The following C10orf90 variants were observed in gnomAD, a reference collection of about 807,000 sequenced individuals.
C10orf90 encodes the protein (E2-independent) E3 ubiquitin-conjugating enzyme FATS.
Under a neutral mutation model 62.5 loss-of-function variants are expected in C10orf90, and 56 were observed. The observed-to-expected ratio is 0.90, with a 90% confidence interval of 0.72 to 1.12. The LOEUF (loss-of-function observed/expected upper bound fraction) is 1.12, where lower values mean the gene tolerates loss of function less well. Among genes scored for constraint, C10orf90 ranks in the 50% most tolerant of loss-of-function variants. The pLI is 0.00. For synonymous variants in C10orf90, 386 were observed against 340.4 expected, an observed-to-expected ratio of 1.13 and a Z score of -1.47; for missense variants, 970 against 880.4, an observed-to-expected ratio of 1.10 and a Z score of -1.29.
intron 2 of C10orf90, among the ~76,000 whole-genome samples, chr10:126,564,645 T>A (rs1213009879): frequency 6.7e-6 from 1 of 148,454 alleles, no homozygotes; most frequent in East Asian, 2.0e-4. Flanking sequence ...TGGCCAGCCT[T>A]GCTCCACAGC....
rs762072257 is a variant in C10orf90 at position 126,465,007 on chromosome 10, G to A, written c.1535-21C>T. 21 of 1,590,296 alleles carry A rather than the reference G, an allele frequency of 1.3e-5. No homozygotes were observed. The South Asian group carries it at 2.2e-4, about 17-fold the overall frequency. On this transcript the variant is annotated intron_variant, in intron 4 of 9. Coordinates refer to ENST00000488181, the MANE Select transcript of C10orf90 (RefSeq NM_001350921.2). ...GTGTACTAAAAATAAAACGAGAGTT[G>A]TGCTCAAAATCTCTTATGAATCCAA...
At chr10:126,429,396 A>G (rs531144068) in intron 8 of C10orf90, among the ~76,000 whole-genome samples, 1 of 152,298 alleles carries the variant, frequency 6.6e-6, no homozygotes, top group South Asian at 2.1e-4. Context: ...TCCCTGCCAC[A>G]GTCCAGACCC....
At chr10:126,524,395 ACT>A (rs2133946369) in intron 2 of C10orf90, 1 of 153,062 alleles carries the variant, frequency 6.5e-6, no homozygotes, top group African/African-American at 2.4e-5. Context: ...AAGAGGAGGC[ACT>A]CTCCTCTCAG....
chr10:126,489,986 TA>T, intron 4 of C10orf90, among the ~76,000 whole-genome samples: 1 of 111,112 alleles, frequency 9.0e-6, no homozygotes, highest in South Asian at 2.6e-4. Flanking sequence ...ATAATATATA[TA>T]TAATATATAT....
chr10:126,564,593 C>T (rs983080593), intron 2 of C10orf90, among the ~76,000 whole-genome samples: 2 of 150,330 alleles, frequency 1.3e-5, no homozygotes, highest in African/African-American at 4.9e-5. Context: ...GGAGAAGTTC[C>T]CAGATTGAAA....
At chr10:126,564,092 C>T (rs1844242670) in intron 2 of C10orf90, among the ~76,000 whole-genome samples, 1 of 152,096 alleles carries the variant, frequency 6.6e-6, no homozygotes, top group South Asian at 2.1e-4. Context: ...CAAATGGCTC[C>T]CACTCGCTAT....
Position 126,439,198 on chromosome 10 carries a change from G to A in C10orf90, c.2189-9348C>T, listed in dbSNP as rs75926222. 4.0e-3 allele frequency among the ~76,000 whole-genome samples: 605 copies of A among 152,218 alleles called. 24 individuals are homozygous for A. Among genetic ancestry groups the A allele is most frequent in the East Asian group, 9.1e-3 (47 of 5,172 alleles). On this transcript the variant is annotated intron_variant, in intron 7 of 9. Transcript: ENST00000488181. ...ATCCACAGCCTTGGCCACTGAGGAC[G>A]TCTGCAATATTGGCAATTGTCAACC...
chr10:126,566,447 T>C (rs1392153474), intron 2 of C10orf90, among the ~76,000 whole-genome samples: 1 of 152,102 alleles, frequency 6.6e-6, no homozygotes, highest in Non-Finnish European at 1.5e-5. Context: ...TACCGCCAGT[T>C]TCAGTGAGTT....
chr10:126,557,778 G>A (rs973644330), intron 2 of C10orf90, among the ~76,000 whole-genome samples: 3 of 152,130 alleles, frequency 2.0e-5, no homozygotes, highest in African/African-American at 7.2e-5. Context: ...TATAATGTGA[G>A]TAGGTCACTT....
chr10:126,592,140 T>G (rs1276068694), intron 2 of C10orf90, among the ~76,000 whole-genome samples: 1 of 152,170 alleles, frequency 6.6e-6, no homozygotes, highest in Non-Finnish European at 1.5e-5. Flanking sequence ...ATTTATAGAT[T>G]CAATGCTATT....
intron 4 of C10orf90, among the ~76,000 whole-genome samples, 155 bp downstream of exon 4, chr10:126,503,802 C>T (rs951154191): frequency 6.6e-6 from 1 of 152,072 alleles, no homozygotes; most frequent in Admixed American, 6.5e-5. Context: ...ACATCGATGC[C>T]GAGCTATCAG....
chr10:126,473,713 C>T (rs1860710985), intron 4 of C10orf90, among the ~76,000 whole-genome samples: 1 of 151,990 alleles, frequency 6.6e-6, no homozygotes, highest in South Asian at 2.1e-4. Context: ...TATCTAGTTA[C>T]TCAGAGTTAA....
rs1198277074 is a variant in C10orf90, at chr10:126,646,670, A to G, written c.241-33T>C. ...ACAAACAGAAATATTTCCCAATTTC[A>G]TATTTTGATTTGCCAGATATATAAT... is the stretch of plus-strand genomic sequence containing the variant. On this transcript the variant is annotated intron_variant, in intron 1 of 9. Coordinates refer to ENST00000488181, the MANE Select transcript of C10orf90 (RefSeq NM_001350921.2). 2.1e-5 allele frequency: 9 copies of G among 423,656 alleles called. No homozygotes were observed. In the Admixed American group the frequency reaches 2.6e-4, roughly 12 times the overall value. 26.2% of individuals were successfully genotyped at this position (423,656 alleles called of 1,614,324 possible). A position where few individuals can be genotyped will look rare whatever the true frequency, so the allele number is the denominator to read the frequency against.
rs141703711 is a variant in C10orf90, at chr10:126,521,681, G to A, written c.314-7742C>T. Among the ~76,000 whole-genome samples, 499 of 152,276 alleles carry A rather than the reference G, an allele frequency of 3.3e-3. 6 individuals carry two copies. The highest frequency in any genetic ancestry group is 0.011 in the African/African-American group (466 of 41,560). Reference sequence around the variant, plus strand: ...TAGTATTAAAATACATCCAGATAACGTCACACTGGTGATTAATCTACTTGT... The same window carrying A: ...TAGTATTAAAATACATCCAGATAACATCACACTGGTGATTAATCTACTTGT... On this transcript the variant is annotated intron_variant, in intron 2 of 9. Transcript: ENST00000488181.
chr10:126,425,630 G>C lies in C10orf90; in HGVS notation c.*234C>G, dbSNP rs1007625649. On this transcript the variant is annotated 3_prime_UTR_variant, in exon 10 of 10. Transcript: ENST00000488181. Reference sequence around the variant, plus strand: ...ACATTAAGGGGACTGTATCCAGTGGGTTACATGGAGGTGGTTTCCCCACAA... The same window carrying C: ...ACATTAAGGGGACTGTATCCAGTGGCTTACATGGAGGTGGTTTCCCCACAA... 1.8e-6 allele frequency: 1 copy of C among 570,934 alleles called. No individual in the cohort carries two copies. Among genetic ancestry groups the C allele is most frequent in the African/African-American group, 1.9e-5 (1 of 53,330 alleles). 35.4% of individuals were successfully genotyped at this position (570,934 alleles called of 1,614,324 possible).
At position 126,477,076 on chromosome 10, in the gene C10orf90, A is replaced by ATTT. The variant is rs551973906; in HGVS notation, c.1535-12093_1535-12091dup. 1.9e-3 allele frequency among the ~76,000 whole-genome samples: 109 copies of ATTT among 56,482 alleles called. 9 individuals are homozygous for ATTT. Among genetic ancestry groups the ATTT allele is most frequent in the Non-Finnish European group, 2.9e-3 (91 of 30,888 alleles). 37.1% of individuals were successfully genotyped at this position (56,482 alleles called of 152,430 possible). A position where few individuals can be genotyped will look rare whatever the true frequency, so the allele number is the denominator to read the frequency against. On this transcript the variant is annotated intron_variant, in intron 4 of 9. Transcript: ENST00000488181. ...AGGTGCCCAACATCACGCCTGGCTA[A>ATTT]TTTTTTTTTTTTTTTTTTTTTTTTT... is the stretch of plus-strand genomic sequence containing the variant.
chr10:126,543,930 G>A (rs780835371), intron 2 of C10orf90, among the ~76,000 whole-genome samples: 7 of 152,114 alleles, frequency 4.6e-5, no homozygotes, highest in South Asian at 2.1e-4. Flanking sequence ...TACCAGGGTC[G>A]CGGTGACATG....
intron 5 of C10orf90, among the ~76,000 whole-genome samples, chr10:126,462,366 C>T (rs1327258158): frequency 6.6e-6 from 1 of 152,144 alleles, no homozygotes; most frequent in African/African-American, 2.4e-5. Flanking sequence ...CTCTCCCTCA[C>T]TCCTCACCCA....
intron 2 of C10orf90, among the ~76,000 whole-genome samples, chr10:126,622,320 A>G (rs1845661311): frequency 6.6e-6 from 1 of 151,878 alleles, no homozygotes; most frequent in South Asian, 2.1e-4. Flanking sequence ...CTCAGACCCA[A>G]CTTTCCAATC....
Sources: allele counts gnomAD v4.1 joint callset (sites outside exome capture counted in the v4.1 genomes callset), GRCh38; gene constraint gnomAD v4.1.1; transcripts MANE v1.5; gene names NCBI Gene and HGNC (gene_info 2026-07-23, HGNC 2026-07-21).